Variants in PRKCE observed in about 807,000 individuals in gnomAD.
PRKCE encodes the protein protein kinase C epsilon.
PRKCE carries 16 observed loss-of-function variants against 85.4 expected under a neutral mutation model. The ratio of observed to expected loss-of-function variants is 0.19; its 90% CI spans 0.13 to 0.28. The LOEUF (loss-of-function observed/expected upper bound fraction) is 0.28, where lower values mean the gene tolerates loss of function less well. Ranked by LOEUF, PRKCE falls within the 10% of genes least tolerant of loss-of-function variation. The pLI is 1.00. For synonymous variants in PRKCE, 388 were observed against 371.5 expected (o/e 1.04, Z -0.51); for missense variants, 573 against 975.2 (o/e 0.59, Z 5.49).
At chr2:46,080,299 A>T (rs879062859) in intron 10 of PRKCE, among the ~76,000 whole-genome samples, 1 of 151,782 alleles carries the variant, frequency 6.6e-6, no homozygotes, top group African/African-American at 2.4e-5. Context: ...GGGGAAATGA[A>T]AATTTTACCT....
In PRKCE at chr2:46,054,983, T is replaced by A. The variant is rs12465824; in HGVS notation, c.1438-31225T>A. Among the ~76,000 whole-genome samples the A allele has an allele frequency of 1.5e-3, 230 of 152,226 alleles. 1 individual carries two copies. The East Asian group carries it at 0.016, about 10-fold the overall frequency. ...GATCACTTCCCACTCCATCCCCTTT[T>A]CAGCTCCCCTTCCCACTCAGAGTCA... is the stretch of plus-strand genomic sequence containing the variant. On this transcript the variant is annotated intron_variant, in intron 10 of 14. Coordinates refer to ENST00000306156, the MANE Select transcript of PRKCE (RefSeq NM_005400.3).
intron 3 of PRKCE, among the ~76,000 whole-genome samples, chr2:45,977,400 G>A (rs1702539403): frequency 6.6e-6 from 1 of 152,072 alleles, no homozygotes; most frequent in Non-Finnish European, 1.5e-5. Context: ...ACTTTGGGAG[G>A]CCGAGGCACG....
At chr2:45,674,226 C>T (rs1198338377) in intron 1 of PRKCE, among the ~76,000 whole-genome samples, 1 of 152,126 alleles carries the variant, frequency 6.6e-6, no homozygotes, top group Non-Finnish European at 1.5e-5. Context: ...AGCCTGGGGC[C>T]CAGCCAGGAT....
intron 10 of PRKCE, among the ~76,000 whole-genome samples, chr2:46,059,130 G>T (rs1180978055): frequency 6.6e-6 from 1 of 152,104 alleles, no homozygotes; most frequent in Non-Finnish European, 1.5e-5. Context: ...GCTTGTTTGT[G>T]GTCCCAGCTA....
At chr2:45,833,438 C>G (rs948946920) in intron 1 of PRKCE, among the ~76,000 whole-genome samples, 3 of 152,148 alleles carry the variant, frequency 2.0e-5, no homozygotes, top group Admixed American at 6.5e-5. Context: ...TGCTCACAGT[C>G]TAGGTGGGAA....
intron 2 of PRKCE, among the ~76,000 whole-genome samples, chr2:45,935,525 G>T (rs144985119): frequency 6.6e-6 from 1 of 152,226 alleles, no homozygotes; most frequent in East Asian, 1.9e-4. Context: ...GGTGGCTCAC[G>T]CCTATAATCC....
chr2:45,909,293 A>G lies in PRKCE; in HGVS notation c.412+66230A>G, dbSNP rs1288827469. On this transcript the variant is annotated intron_variant, in intron 2 of 14. Coordinates refer to ENST00000306156, the MANE Select transcript of PRKCE (RefSeq NM_005400.3). ...AAGAAAGGAAGGCTCCAATTGGTTT[A>G]TGAGTTTGCCAAGTATTACGAGGTG... Among the ~76,000 whole-genome samples the G allele has an allele frequency of 2.6e-5, 4 of 152,226 alleles. No homozygotes were observed. The East Asian group carries it at 7.7e-4, about 29-fold the overall frequency.
At chr2:45,902,429 GGTAGCTCCAA>G (rs1417779866) in intron 2 of PRKCE, among the ~76,000 whole-genome samples, 4 of 152,314 alleles carry the variant, frequency 2.6e-5, no homozygotes, top group Admixed American at 1.3e-4. Context: ...ATTGCCCACA[GGTAGCTCCAA>G]GTCTGCCTGA....
chr2:45,677,981 A>G, intron 1 of PRKCE: 3 of 798,870 alleles, frequency 3.8e-6, no homozygotes, highest in Non-Finnish European at 4.5e-6. Flanking sequence ...TATCAACTTG[A>G]TTTTACATGG....
intron 2 of PRKCE, among the ~76,000 whole-genome samples, chr2:45,892,901 C>T (rs145784513): frequency 1.0e-3 from 156 of 152,284 alleles, no homozygotes; most frequent in African/African-American, 3.5e-3. Context: ...ATGTACCCCC[C>T]GGGGTTGCTG....
At chr2:46,150,130 G>A (rs1320914414) in intron 12 of PRKCE, among the ~76,000 whole-genome samples, 3 of 152,160 alleles carry the variant, frequency 2.0e-5, no homozygotes, top group Admixed American at 6.5e-5. Context: ...GATTACAGGT[G>A]TGAGCCATTG....
intron 10 of PRKCE, among the ~76,000 whole-genome samples, chr2:46,022,614 C>T (rs1031089752): frequency 1.4e-4 from 22 of 152,342 alleles, no homozygotes; most frequent in Non-Finnish European, 1.9e-4. Context: ...CCTCTGTGTT[C>T]ACAAGGCTGT....
At chr2:45,756,157 A>G (rs1321708516) in intron 1 of PRKCE, among the ~76,000 whole-genome samples, 2 of 152,200 alleles carry the variant, frequency 1.3e-5, no homozygotes, top group Non-Finnish European at 2.9e-5. Context: ...GGTGAGACTG[A>G]TGGGGATGAG....
chr2:46,012,500 G>T (rs539974552), intron 10 of PRKCE, among the ~76,000 whole-genome samples: 31 of 152,258 alleles, frequency 2.0e-4, no homozygotes, highest in Admixed American at 1.8e-3. Flanking sequence ...CCAGCACAGG[G>T]TCCCTTCTGT....
chr2:46,086,109 C>T, intron 10 of PRKCE, 99 bp from the exon 11 acceptor site: 1 of 1,308,850 alleles, frequency 7.6e-7, no homozygotes, highest in Non-Finnish European at 1.1e-6. Flanking sequence ...CTTCTTCCCC[C>T]TTGAGTCTTG....
At chr2:46,107,262 T>C (rs1671818267) in intron 11 of PRKCE, among the ~76,000 whole-genome samples, 1 of 152,244 alleles carries the variant, frequency 6.6e-6, no homozygotes, top group Non-Finnish European at 1.5e-5. Context: ...TGTAACCTTT[T>C]CAGACTGGCT....
chr2:45,719,833 G>T (rs1680466977), intron 1 of PRKCE, among the ~76,000 whole-genome samples: 1 of 152,196 alleles, frequency 6.6e-6, no homozygotes, highest in Non-Finnish European at 1.5e-5. Flanking sequence ...GCCAAGGCAG[G>T]AGGATCACTT....
At chr2:45,927,066 G>A (rs1698677048) in intron 2 of PRKCE, among the ~76,000 whole-genome samples, 1 of 151,824 alleles carries the variant, frequency 6.6e-6, no homozygotes, top group South Asian at 2.1e-4. Flanking sequence ...ATTATAGAAT[G>A]TGCATATGTG....
intron 14 of PRKCE, among the ~76,000 whole-genome samples, chr2:46,180,405 C>T (rs973259244): frequency 2.0e-5 from 3 of 152,020 alleles, no homozygotes; most frequent in Non-Finnish European, 2.9e-5. Context: ...AGCAGGTGAG[C>T]GAAAGAACTC....
Sources: gnomAD v4.1 joint callset for allele counts (sites outside exome capture counted in the v4.1 genomes callset) on GRCh38, gnomAD v4.1.1 for gene constraint, MANE v1.5 for transcripts, NCBI Gene and HGNC (gene_info 2026-07-23, HGNC 2026-07-21) for gene names.